CCDC191: variants seen among roughly 807,000 people sequenced by gnomAD.
The protein encoded by CCDC191 is coiled-coil domain-containing protein 191.
A neutral mutation model predicts 114.0 loss-of-function variants in CCDC191; 99 were observed. The observed-to-expected ratio is 0.87, with a 90% CI of 0.74 to 1.03. The LOEUF (loss-of-function observed/expected upper bound fraction) is 1.03. Ranked by LOEUF, CCDC191 falls within the 50% of genes least tolerant of loss-of-function variation. The pLI, the probability that CCDC191 is intolerant of heterozygous loss-of-function variation, is 0.00. For synonymous variants in CCDC191, 351 were observed against 376.0 expected (o/e 0.93, Z 0.77); for missense variants, 973 against 1,087.0 (o/e 0.90, Z 1.47).
chr3:114,006,218 A>G (rs2075956807), intron 9 of CCDC191, among the ~76,000 whole-genome samples: 1 of 151,874 alleles, frequency 6.6e-6, no homozygotes, highest in Non-Finnish European at 1.5e-5. Context: ...GGAGGCCGAG[A>G]TGGGCAGATG....
At chr3:114,023,018 A>T (rs1273635943) in intron 7 of CCDC191, among the ~76,000 whole-genome samples, 1 of 152,234 alleles carries the variant, frequency 6.6e-6, no homozygotes, top group Non-Finnish European at 1.5e-5. Flanking sequence ...AAGTCTCAGG[A>T]TACAAAATCA....
chr3:114,035,126 C>G lies in CCDC191; in HGVS notation c.617G>C (p.Arg206Pro). 6.2e-7 allele frequency: 1 copy of G among 1,613,010 alleles called. No individual in the cohort carries two copies. The highest frequency in any genetic ancestry group is 8.5e-7 in the Non-Finnish European group (1 of 1,179,750). ...TCTCTGGTACTCCAGTTCTTTCTCACGTCTTAAGCGATTTTCTTTTACCTT... is the reference window on the plus strand; with the variant it reads ...TCTCTGGTACTCCAGTTCTTTCTCAGGTCTTAAGCGATTTTCTTTTACCTT... The part of the protein sequence containing the change: ...HKQVKENRLR[R>P]EKELEYQRIE... The change falls in exon 6 of 17, where the codon CGT becomes CCT. Residue 206 changes from arginine (R) to proline (P), a missense_variant. By Grantham distance (103) the Arg-to-Pro change is moderately radical. Coordinates refer to ENST00000295878, the MANE Select transcript of CCDC191 (RefSeq NM_020817.2).
chr3:113,983,537 C>T (rs1559881348), intron 13 of CCDC191, among the ~76,000 whole-genome samples: 1 of 152,158 alleles, frequency 6.6e-6, no homozygotes, highest in African/African-American at 2.4e-5. Flanking sequence ...ATCACCTCCT[C>T]AGAGAGGTAT....
chr3:114,056,237 GCTGGCTTTGGGGCGGT>G, intron 1 of CCDC191, 124 bp downstream of exon 1: 1 of 749,960 alleles, frequency 1.3e-6, no homozygotes, highest in South Asian at 1.6e-5. Flanking sequence ...TCAGGGTAAT[GCTGGCTTTGGGGCGGT>G]CAAGGCAGGG....
intron 13 of CCDC191, among the ~76,000 whole-genome samples, chr3:113,988,131 T>TA: frequency 6.6e-6 from 1 of 150,730 alleles, no homozygotes; most frequent in Admixed American, 6.6e-5. Context: ...TAAAACCAGA[T>TA]AAGGTAGGGA....
At chr3:114,038,478 T>C (rs1026186566) in intron 4 of CCDC191, among the ~76,000 whole-genome samples, 4 of 152,232 alleles carry the variant, frequency 2.6e-5, no homozygotes, top group Admixed American at 6.5e-5. Flanking sequence ...CGTATAAAAG[T>C]ATAGCACGTG....
chr3:114,018,452 G>C (rs2076196266), intron 8 of CCDC191, among the ~76,000 whole-genome samples: 1 of 151,818 alleles, frequency 6.6e-6, no homozygotes, highest in Non-Finnish European at 1.5e-5. Flanking sequence ...TGGAATTACA[G>C]GCACACCCCA....
Position 113,978,333 on chromosome 3 carries a change from T to C in CCDC191, c.2461-2A>G. 3.1e-6 allele frequency: 5 copies of C among 1,613,496 alleles called. No homozygotes were observed. The highest frequency in any genetic ancestry group is 4.2e-6 in the Non-Finnish European group (5 of 1,179,816). ...TTCTTCCTGCAGATCAATCACGTACTGGGGATGAAGACAGAAATAAAAGTG... is the reference window on the plus strand; with the variant it reads ...TTCTTCCTGCAGATCAATCACGTACCGGGGATGAAGACAGAAATAAAAGTG... On this transcript the variant is annotated splice_acceptor_variant, in intron 15 of 16. Transcript: ENST00000295878. LOFTEE classifies it high-confidence loss of function.
At chr3:113,988,880 G>A (rs1003813448) in intron 13 of CCDC191, among the ~76,000 whole-genome samples, 3 of 151,768 alleles carry the variant, frequency 2.0e-5, no homozygotes, top group Admixed American at 1.3e-4. Context: ...TGCAAGCTCC[G>A]CCTCCCGGGT....
intron 2 of CCDC191, chr3:114,047,045 TA>T (rs1301517777): frequency 1.1e-6 from 1 of 951,878 alleles, no homozygotes; most frequent in Non-Finnish European, 1.3e-6. Context: ...GAGACATGGA[TA>T]TTTTACTTTA....
At chr3:113,980,409 T>C (rs934418137) in intron 14 of CCDC191, among the ~76,000 whole-genome samples, 2 of 152,182 alleles carry the variant, frequency 1.3e-5, no homozygotes, top group African/African-American at 4.8e-5. Flanking sequence ...CATCTTACCT[T>C]GGGGGGATCT....
At chr3:113,983,017 C>T (rs1346696424) in intron 13 of CCDC191, among the ~76,000 whole-genome samples, 3 of 152,128 alleles carry the variant, frequency 2.0e-5, no homozygotes, top group South Asian at 4.1e-4. Context: ...ATTCTCTCCT[C>T]AGCCCACTGG....
rs558942788 is a variant in CCDC191 at position 114,027,016 on chromosome 3, T to C, written c.972+4610A>G. Among the ~76,000 whole-genome samples the C allele has an allele frequency of 3.3e-5, 5 of 152,354 alleles. No individual in the cohort carries two copies. In the East Asian group the frequency reaches 9.6e-4, roughly 29 times the overall value. On this transcript the variant is annotated intron_variant, in intron 7 of 16. Coordinates refer to ENST00000295878, the MANE Select transcript of CCDC191 (RefSeq NM_020817.2). Reference sequence around the variant, plus strand: ...ATGAAGAAGGCCATTTTCCAAATAGTATAAGAGTTTTATAGTTAATCCTTT... The same window carrying C: ...ATGAAGAAGGCCATTTTCCAAATAGCATAAGAGTTTTATAGTTAATCCTTT...
chr3:114,025,946 C>T (rs1037469623), intron 7 of CCDC191, among the ~76,000 whole-genome samples: 7 of 152,136 alleles, frequency 4.6e-5, no homozygotes, highest in Non-Finnish European at 8.8e-5. Flanking sequence ...TCTTTCATTC[C>T]TCACCCACAT....
chr3:114,038,581 T>C (rs914136782), intron 4 of CCDC191, among the ~76,000 whole-genome samples: 1 of 152,226 alleles, frequency 6.6e-6, no homozygotes, highest in African/African-American at 2.4e-5. Flanking sequence ...GCAATGAACA[T>C]ACACCTGCAT....
intron 6 of CCDC191, 46 bp from the exon 7 acceptor site, chr3:114,031,825 A>T (rs754296370): frequency 8.1e-6 from 7 of 860,804 alleles, no homozygotes; most frequent in African/African-American, 3.4e-5. Flanking sequence ...CAATAGATTT[A>T]AAAATGAGCA....
intron 2 of CCDC191, chr3:114,046,943 C>G (rs992133273): frequency 1.0e-6 from 1 of 958,120 alleles, no homozygotes; most frequent in African/African-American, 1.8e-5. Flanking sequence ...AGTATTTTAC[C>G]AAGTTCTAAC....
chr3:114,003,568 G>A (rs2075893447), intron 11 of CCDC191: 1 of 985,266 alleles, frequency 1.0e-6, no homozygotes, highest in African/African-American at 1.7e-5. Context: ...ATCATCAAAA[G>A]ACTACTTGAA....
intron 12 of CCDC191, 82 bp downstream of exon 12, chr3:114,002,374 T>C: frequency 9.7e-7 from 1 of 1,026,492 alleles, no homozygotes; most frequent in Non-Finnish European, 1.4e-6. Flanking sequence ...TCAGGAGTTC[T>C]GAAAAAGCAA....
Sources: allele counts gnomAD v4.1 joint callset (sites outside exome capture counted in the v4.1 genomes callset), GRCh38; gene constraint gnomAD v4.1.1; transcripts MANE v1.5; gene names NCBI Gene and HGNC (gene_info 2026-07-23, HGNC 2026-07-21).